RGMB: variants seen among roughly 807,000 people sequenced by gnomAD.
RGMB encodes repulsive guidance molecule BMP co-receptor b.
A neutral mutation model predicts 26.9 loss-of-function variants in RGMB; 16 were observed. The observed-to-expected ratio is 0.60, with a 90% CI of 0.40 to 0.90. The LOEUF (loss-of-function observed/expected upper bound fraction) is 0.90, where lower values mean the gene tolerates loss of function less well. Ranked by LOEUF, RGMB falls within the 40% of genes least tolerant of loss-of-function variation. The pLI, the probability that RGMB is intolerant of heterozygous loss-of-function variation, is 0.00. For synonymous variants in RGMB, 225 were observed against 229.3 expected, an observed-to-expected ratio of 0.98 and a Z score of 0.17; for missense variants, 512 against 573.3, an observed-to-expected ratio of 0.89 and a Z score of 1.09.
chr5:98,779,428 A>C (rs1746515840), intron 1 of RGMB, among the ~76,000 whole-genome samples, 152 bp from the exon 2 acceptor site: 1 of 152,246 alleles, frequency 6.6e-6, no homozygotes, highest in African/African-American at 2.4e-5. Context: ...ACACAGGAAC[A>C]CAATGAAACC....
At position 98,796,434 on chromosome 5, in the gene RGMB, AGTGT is replaced by A. The variant is rs1278671605; in HGVS notation, c.*2684_*2687del. The A allele has an allele frequency of 6.7e-6, 1 of 149,880 alleles. No homozygotes were observed. Among genetic ancestry groups the A allele is most frequent in the Non-Finnish European group, 1.5e-5 (1 of 67,664 alleles). 9.3% of individuals were successfully genotyped at this position (149,880 alleles called of 1,614,324 possible). ...TATCTGTGTAAAACAGTGAGTGTGC[AGTGT>A]GTAAATACTTTAAATTATTATGCTA... On this transcript the variant is annotated 3_prime_UTR_variant, in exon 3 of 3. Coordinates refer to ENST00000513185, the MANE Select transcript of RGMB (RefSeq NM_001366508.1).
chr5:98,774,388 G>A (rs1746316274), intron 1 of RGMB, among the ~76,000 whole-genome samples, 182 bp downstream of exon 1: 3 of 152,190 alleles, frequency 2.0e-5, no homozygotes, highest in Non-Finnish European at 4.4e-5. Flanking sequence ...GCCACCCACC[G>A]GGCGGCCGCC....
chr5:98,790,145 A>T (rs1351737975), intron 2 of RGMB, among the ~76,000 whole-genome samples: 1 of 152,228 alleles, frequency 6.6e-6, no homozygotes, highest in African/African-American at 2.4e-5. Flanking sequence ...ATAAAACTTA[A>T]GTCATGTGAA....
At chr5:98,784,246 G>A (rs536739356) in intron 2 of RGMB, among the ~76,000 whole-genome samples, 55 of 152,252 alleles carry the variant, frequency 3.6e-4, no homozygotes, top group African/African-American at 1.2e-3. Flanking sequence ...AGCACTCATC[G>A]CCTGTCCAAA....
In RGMB at chr5:98,773,700, G is replaced by A. The variant is rs1429274759; in HGVS notation, c.-371G>A. ...GGGCCGCCGGTGGGTGGTCGCTAGG[G>A]CTGGGCCAGCCTCTTGGAGGTCCAC... is the stretch of plus-strand genomic sequence containing the variant. On this transcript the variant is annotated 5_prime_UTR_variant, in exon 1 of 3. Transcript: ENST00000513185. The A allele has an allele frequency of 5.4e-6, 2 of 370,412 alleles. No individual in the cohort carries two copies. Among genetic ancestry groups the A allele is most frequent in the Non-Finnish European group, 9.6e-6 (2 of 208,404 alleles). 22.9% of individuals were successfully genotyped at this position (370,412 alleles called of 1,614,324 possible). A position where few individuals can be genotyped will look rare whatever the true frequency, so the allele number is the denominator to read the frequency against.
chr5:98,773,675 G>T lies in RGMB; in HGVS notation c.-396G>T, dbSNP rs1188159870. ...CGGGGGCTGCCGCGCAGAGATATCC[G>T]GGCCGCCGGTGGGTGGTCGCTAGGG... On this transcript the variant is annotated 5_prime_UTR_variant, in exon 1 of 3. Transcript: ENST00000513185. The T allele has an allele frequency of 2.0e-5, 7 of 355,900 alleles. No homozygotes were observed. Among genetic ancestry groups the T allele is most frequent in the African/African-American group, 1.1e-4 (5 of 47,050 alleles). 22.0% of individuals were successfully genotyped at this position (355,900 alleles called of 1,614,324 possible). A position where few individuals can be genotyped will look rare whatever the true frequency, so the allele number is the denominator to read the frequency against.
upstream of RGMB, chr5:98,770,029 AG>A (rs1256157019): frequency 6.6e-6 from 1 of 152,250 alleles, no homozygotes; most frequent in Non-Finnish European, 1.5e-5. Flanking sequence ...AGGGGAGCTG[AG>A]GTTTTCATGT....
At chr5:98,792,189 T>C (rs925175921) in intron 2 of RGMB, among the ~76,000 whole-genome samples, 1 of 152,210 alleles carries the variant, frequency 6.6e-6, no homozygotes, top group Non-Finnish European at 1.5e-5. Context: ...TGGTGGCTGT[T>C]ACTGGGGTGC....
intron 2 of RGMB, among the ~76,000 whole-genome samples, chr5:98,791,761 C>T (rs1040125249): frequency 1.3e-5 from 2 of 151,304 alleles, no homozygotes; most frequent in Non-Finnish European, 2.9e-5. Flanking sequence ...TTGTGTGACA[C>T]AGCAGCCCCT....
chr5:98,777,087 A>G (rs1746438998), intron 1 of RGMB, among the ~76,000 whole-genome samples: 1 of 140,172 alleles, frequency 7.1e-6, no homozygotes, highest in Non-Finnish European at 1.5e-5. Context: ...ACTCCGTCTC[A>G]AAAAAAAAAA....
In RGMB at chr5:98,779,668, C is replaced by G; in HGVS notation, c.225C>G (p.Asp75Glu). ...SLTSHLNSAV[D>E]GFDSEFCKAL... ...CTTCTCACCTGAACTCTGCCGTTGA[C>G]GGCTTTGACTCTGAGTTTTGCAAGG... Residue 75 changes from aspartate to glutamate, a missense_variant, in exon 2 of 3, where the codon GAC (aspartate) becomes GAG (glutamate). Transcript: ENST00000513185. The G allele has an allele frequency of 6.3e-7, 1 of 1,578,222 alleles. No homozygotes were observed.
rs1341083335 is a variant in RGMB at position 98,793,529 on chromosome 5, G to C, written c.1090G>C (p.Val364Leu). ...CACTCAATGCCATGAGAAGATGCCA[G>C]TGAAGGACATCTATTTCCAGTCCTG... ...ANTQCHEKMP[V>L]KDIYFQSCVF... The change falls in exon 3 of 3, where the codon GTG becomes CTG. Residue 364 changes from valine to leucine, a missense_variant. Coordinates refer to ENST00000513185, the MANE Select transcript of RGMB (RefSeq NM_001366508.1). 6.2e-7 allele frequency: 1 copy of C among 1,613,884 alleles called. No homozygotes were observed. Among genetic ancestry groups the C allele is most frequent in the Non-Finnish European group, 8.5e-7 (1 of 1,179,886 alleles).
In RGMB at chr5:98,793,689, G is replaced by T; in HGVS notation, c.1250G>T (p.Arg417Leu). The T allele has an allele frequency of 6.2e-7, 1 of 1,611,264 alleles. No individual in the cohort carries two copies. ...IFPSSGNGTP[R>L]GGSDLSVSLG... ...CCCAGCAGTGGCAATGGGACTCCCC[G>T]TGGAGGCAGTGATTTGTCTGTCAGT... The change falls in exon 3 of 3, where the codon CGT becomes CTT. Residue 417 changes from arginine to leucine, a missense_variant. By Grantham distance (102) the Arg-to-Leu change is moderately radical. Coordinates refer to ENST00000513185, the MANE Select transcript of RGMB (RefSeq NM_001366508.1).
At position 98,779,681 on chromosome 5, in the gene RGMB, G is replaced by C. The variant is rs1298281511; in HGVS notation, c.238G>C (p.Glu80Gln). Reference sequence around the variant, plus strand: ...CTCTGCCGTTGACGGCTTTGACTCTGAGTTTTGCAAGGCCTTGCGTGCCTA... The same window carrying C: ...CTCTGCCGTTGACGGCTTTGACTCTCAGTTTTGCAAGGCCTTGCGTGCCTA... Reference protein sequence around the residue: ...LNSAVDGFDSEFCKALRAYAG... With the variant: ...LNSAVDGFDSQFCKALRAYAG... Residue 80 changes from glutamate to glutamine, a missense_variant, in exon 2 of 3, where the codon GAG becomes CAG. Coordinates refer to ENST00000513185, the MANE Select transcript of RGMB (RefSeq NM_001366508.1). 2 of 1,591,744 alleles carry C rather than the reference G, an allele frequency of 1.3e-6. No homozygotes were observed. Among genetic ancestry groups the C allele is most frequent in the Middle Eastern group, 1.7e-4 (1 of 5,934 alleles).
Position 98,789,312 on chromosome 5 carries a change from G to A in RGMB, c.646-3773G>A, listed in dbSNP as rs77657157. Among the ~76,000 whole-genome samples the A allele has an allele frequency of 6.6e-3, 1,003 of 152,172 alleles. 17 individuals are homozygous for A. The highest frequency in any genetic ancestry group is 0.064 in the East Asian group (333 of 5,184). On this transcript the variant is annotated intron_variant, in intron 2 of 2. Transcript: ENST00000513185. ...AAATGTTTCTTCCAAAATATATTAC[G>A]CACAAGTAGTCAAGGTGCACAGCCA...
chr5:98,781,086 G>C (rs1350464796), intron 2 of RGMB: 1 of 152,124 alleles, frequency 6.6e-6, no homozygotes, highest in East Asian at 1.9e-4. Flanking sequence ...TCAAGCTTTT[G>C]AAATACTTAC....
In RGMB at chr5:98,793,817, CATAAT is replaced by C. The variant is rs1437088384; in HGVS notation, c.*68_*72del. ...AACAAAATTTTAAAATATATATTGT[CATAAT>C]ATATTGAGTAAAAGAGTATATATGT... On this transcript the variant is annotated 3_prime_UTR_variant, in exon 3 of 3. Transcript: ENST00000513185. 3.3e-6 allele frequency: 4 copies of C among 1,223,850 alleles called. No individual in the cohort carries two copies. The Admixed American group carries it at 8.3e-5, about 25-fold the overall frequency. 75.8% of individuals were successfully genotyped at this position (1,223,850 alleles called of 1,614,324 possible).
At chr5:98,775,264 T>G (rs1355425203) in intron 1 of RGMB, among the ~76,000 whole-genome samples, 1 of 152,168 alleles carries the variant, frequency 6.6e-6, no homozygotes, top group African/African-American at 2.4e-5. Flanking sequence ...GGAGGTCTTT[T>G]AAGTAATGGG....
chr5:98,782,134 A>T (rs1390906601), intron 2 of RGMB, among the ~76,000 whole-genome samples: 1 of 152,172 alleles, frequency 6.6e-6, no homozygotes, highest in Non-Finnish European at 1.5e-5. Flanking sequence ...CTGTAGCCTC[A>T]CTTCACAACC....
Sources: allele counts gnomAD v4.1 joint callset (sites outside exome capture counted in the v4.1 genomes callset), GRCh38; gene constraint gnomAD v4.1.1; transcripts MANE v1.5; gene names NCBI Gene and HGNC (gene_info 2026-07-23, HGNC 2026-07-21).